RNF10: variants seen among roughly 807,000 people sequenced by gnomAD.
RNF10 encodes E3 ubiquitin-protein ligase RNF10.
In RNF10, 38 loss-of-function variants were observed where a neutral mutation model predicts 91.4. The observed-to-expected ratio is 0.42, with a 90% CI of 0.32 to 0.54. The LOEUF is 0.54. Among genes scored for constraint, RNF10 ranks in the 20% least tolerant of loss-of-function variants. The pLI is 0.16. For missense variants in RNF10, 945 were observed against 1,012.0 expected, an observed-to-expected ratio of 0.93 and a Z score of 0.90; for synonymous variants, 364 against 366.3, an observed-to-expected ratio of 0.99 and a Z score of 0.07.
At position 120,565,478 on chromosome 12, in the gene RNF10, C is replaced by A. The variant is rs754519126; in HGVS notation, c.1834C>A (p.Arg612Ser). 4.3e-6 allele frequency: 7 copies of A among 1,613,900 alleles called. No homozygotes were observed. The South Asian group carries it at 5.5e-5, about 13-fold the overall frequency. ...RQRQKKAREE[R>S]RRERRIEIEE... The stretch of plus-strand genomic sequence containing the variant: ...GCGCCAAAAGAAGGCTCGGGAGGAA[C>A]GCCGCCGAGAGCGCAGGATTGAGAT... The change falls in exon 12 of 17, where the codon CGC (arginine) becomes AGC (serine). Residue 612 changes from arginine (R) to serine (S), a missense_variant. By Grantham distance (110) the Arg-to-Ser change is moderately radical. Coordinates refer to ENST00000325954, the MANE Select transcript of RNF10 (RefSeq NM_014868.5).
intron 7 of RNF10, among the ~76,000 whole-genome samples, chr12:120,561,697 G>T (rs1359438593): frequency 2.6e-5 from 4 of 152,198 alleles, no homozygotes; most frequent in Admixed American, 2.0e-4. Flanking sequence ...GCTAGTAAGG[G>T]ATGCAGCTGG....
intron 3 of RNF10, among the ~76,000 whole-genome samples, chr12:120,553,550 G>T (rs1047946911): frequency 6.6e-6 from 1 of 151,620 alleles, no homozygotes; most frequent in South Asian, 2.1e-4. Context: ...GACTACAGGC[G>T]CCCACCCCCT....
At position 120,563,884 on chromosome 12, in the gene RNF10, A is replaced by T. The variant is rs774057953; in HGVS notation, c.1606A>T (p.Arg536Trp). The change falls in exon 10 of 17, where the codon AGG (arginine) becomes TGG (tryptophan). Residue 536 changes from arginine to tryptophan, a missense_variant. Transcript: ENST00000325954. ...CGTGCGGGAGTACGGCAGCCTGGAGAGGAGCCCCGAGAAGATCTCAGCAAC... is the reference window on the plus strand; with the variant it reads ...CGTGCGGGAGTACGGCAGCCTGGAGTGGAGCCCCGAGAAGATCTCAGCAAC... Reference protein sequence around the residue: ...CLVREYGSLERSPEKISATVV... With the variant: ...CLVREYGSLEWSPEKISATVV... The T allele has an allele frequency of 2.5e-6, 4 of 1,614,068 alleles. No homozygotes were observed. Among genetic ancestry groups the T allele is most frequent in the Admixed American group, 1.7e-5 (1 of 60,004 alleles).
intron 6 of RNF10, among the ~76,000 whole-genome samples, chr12:120,558,578 T>TA (rs1555227489): frequency 0.014 from 1,895 of 138,184 alleles, 33 homozygotes; most frequent in African/African-American, 0.047. Context: ...TATATATATA[T>TA]TTTTTTTTGA....
Position 120,577,269 on chromosome 12 carries a change from G to T in RNF10, c.*603G>T, listed in dbSNP as rs748040908. 1 of 427,556 alleles carries T rather than the reference G, an allele frequency of 2.3e-6. No homozygotes were observed. 26.5% of individuals were successfully genotyped at this position (427,556 alleles called of 1,614,324 possible). ...TTGGCACTTGCATGTGTGAAAGGAG[G>T]GTTTTGCCTCTTCTTGAGCATGGCT... On this transcript the variant is annotated 3_prime_UTR_variant, in exon 17 of 17. Coordinates refer to ENST00000325954, the MANE Select transcript of RNF10 (RefSeq NM_014868.5).
intron 6 of RNF10, 98 bp downstream of exon 6, chr12:120,557,780 C>A: frequency 2.3e-6 from 3 of 1,313,878 alleles, no homozygotes; most frequent in Non-Finnish European, 3.2e-6. Context: ...TTGGGCAGGG[C>A]ACATCTGGCA....
intron 13 of RNF10, among the ~76,000 whole-genome samples, chr12:120,568,467 G>T (rs1307177409): frequency 1.4e-5 from 2 of 147,118 alleles, no homozygotes; most frequent in African/African-American, 4.9e-5. Context: ...CTGGCACATG[G>T]TTTATTAATT....
At chr12:120,545,348 ATTTTTTT>A (rs36040889) in intron 1 of RNF10, among the ~76,000 whole-genome samples, 10 of 132,386 alleles carry the variant, frequency 7.6e-5, no homozygotes, top group South Asian at 7.3e-4. Flanking sequence ...TGCCCGGCTA[ATTTTTTT>A]TTTTTTTTTT....
Position 120,576,631 on chromosome 12 carries a change from C to A in RNF10, c.2401C>A (p.Leu801Ile). The A allele has an allele frequency of 6.2e-7, 1 of 1,614,066 alleles. No homozygotes were observed. Among genetic ancestry groups the A allele is most frequent in the African/African-American group, 1.3e-5 (1 of 75,038 alleles). ...GAAAAGAAAAAAACAGAAACAGAAGCTCCTGTTCAGCACCTCAGTCGTCCA... is the reference window on the plus strand; with the variant it reads ...GAAAAGAAAAAAACAGAAACAGAAGATCCTGTTCAGCACCTCAGTCGTCCA... ...GKKRKKQKQK[L>I]LFSTSVVHTK The change falls in exon 17 of 17, where the codon CTC (leucine) becomes ATC (isoleucine). Residue 801 changes from leucine to isoleucine, a missense_variant. Physicochemically the swap from Leu to Ile is conservative, Grantham distance 5. Coordinates refer to ENST00000325954, the MANE Select transcript of RNF10 (RefSeq NM_014868.5).
intron 1 of RNF10, among the ~76,000 whole-genome samples, chr12:120,541,097 TC>T: frequency 6.6e-6 from 1 of 152,316 alleles, no homozygotes; most frequent in East Asian, 1.9e-4. Context: ...CCTCAGGTGA[TC>T]CGCCCGCCTC....
At chr12:120,543,015 C>T (rs561903360) in intron 1 of RNF10, among the ~76,000 whole-genome samples, 3 of 84,110 alleles carry the variant, frequency 3.6e-5, no homozygotes, top group African/African-American at 8.6e-5. Flanking sequence ...GAGAGAATGA[C>T]ATCTCATTTA....
At chr12:120,551,959 A>G (rs1183184056) in intron 2 of RNF10, among the ~76,000 whole-genome samples, 1 of 151,734 alleles carries the variant, frequency 6.6e-6, no homozygotes. Context: ...CAGCGGGAGA[A>G]CGGGAAGCAG....
chr12:120,549,012 AT>A (rs1872683924), intron 2 of RNF10, among the ~76,000 whole-genome samples: 1 of 152,076 alleles, frequency 6.6e-6, no homozygotes, highest in Non-Finnish European at 1.5e-5. Context: ...GTCTGTGCTC[AT>A]GGGATGGTCC....
Position 120,577,281 on chromosome 12 carries a change from T to A in RNF10, c.*615T>A. On this transcript the variant is annotated 3_prime_UTR_variant, in exon 17 of 17. Coordinates refer to ENST00000325954, the MANE Select transcript of RNF10 (RefSeq NM_014868.5). ...TGTGTGAAAGGAGGGTTTTGCCTCT[T>A]CTTGAGCATGGCTTGAGTTGGTAAG... The A allele has an allele frequency of 2.1e-5, 9 of 421,636 alleles. No homozygotes were observed. Among genetic ancestry groups the A allele is most frequent in the South Asian group, 1.5e-4 (9 of 58,688 alleles). 26.1% of individuals were successfully genotyped at this position (421,636 alleles called of 1,614,324 possible).
intron 10 of RNF10, 137 bp downstream of exon 10, chr12:120,564,080 T>G: frequency 1.1e-6 from 1 of 930,550 alleles, no homozygotes; most frequent in East Asian, 2.5e-5. Flanking sequence ...TCAGTGATGG[T>G]GCTGTGAATT....
intron 2 of RNF10, among the ~76,000 whole-genome samples, chr12:120,551,179 G>C (rs1418835823): frequency 6.6e-6 from 1 of 151,316 alleles, no homozygotes; most frequent in African/African-American, 2.4e-5. Context: ...AGAGACATGG[G>C]ATCCCTGTGT....
chr12:120,546,668 A>G (rs1028727348), intron 2 of RNF10, 67 bp downstream of exon 2: 2 of 1,392,860 alleles, frequency 1.4e-6, no homozygotes, highest in African/African-American at 2.9e-5. Context: ...CCCGTCCCCC[A>G]GTTTATCAGT....
At chr12:120,549,853 G>T (rs945769823) in intron 2 of RNF10, among the ~76,000 whole-genome samples, 8 of 152,100 alleles carry the variant, frequency 5.3e-5, no homozygotes, top group African/African-American at 1.9e-4. Flanking sequence ...TGGACCACAG[G>T]ATCTAAGCCA....
intron 7 of RNF10, among the ~76,000 whole-genome samples, chr12:120,562,267 C>CTTTTTTTTTTTTTTTTTT (rs1174061958): frequency 9.8e-6 from 1 of 102,182 alleles, no homozygotes; most frequent in Non-Finnish European, 2.0e-5. Flanking sequence ...CTTTTTCTTT[C>CTTTTTTTTTTTTTTTTTT]TTTCTTTTTT....
Sources: gnomAD v4.1 joint callset for allele counts (sites outside exome capture counted in the v4.1 genomes callset) on GRCh38, gnomAD v4.1.1 for gene constraint, MANE v1.5 for transcripts, NCBI Gene and HGNC (gene_info 2026-07-23, HGNC 2026-07-21) for gene names.